Variants in CLVS1 observed in about 807,000 individuals in gnomAD.
CLVS1 encodes clavesin-1.
Under a neutral mutation model 33.1 loss-of-function variants are expected in CLVS1, and 10 were observed. The observed-to-expected ratio is 0.30, with a 90% CI of 0.19 to 0.51. CLVS1 has a LOEUF of 0.51. CLVS1 is among the 20% of genes least tolerant of loss of function. The pLI, the probability that CLVS1 is intolerant of heterozygous loss-of-function variation, is 0.97. For missense variants in CLVS1, 343 were observed against 433.4 expected, an observed-to-expected ratio of 0.79 and a Z score of 1.85; for synonymous variants, 163 against 166.1, an observed-to-expected ratio of 0.98 and a Z score of 0.14.
chr8:61,048,361 A>G, the CLVS1 span, among the ~76,000 whole-genome samples: 1 of 152,242 alleles, frequency 6.6e-6, no homozygotes, highest in African/African-American at 2.4e-5. Context: ...AAGCTCCTTA[A>G]GAATCATGAC....
At chr8:61,467,673 G>A (rs556052072) in intron 5 of CLVS1, among the ~76,000 whole-genome samples, 2 of 152,284 alleles carry the variant, frequency 1.3e-5, no homozygotes, top group South Asian at 4.1e-4. Flanking sequence ...GGTAGTTCCT[G>A]CCATGGCCAG....
At chr8:61,160,952 A>G (rs748020127) in intron 2 of CLVS1, among the ~76,000 whole-genome samples, 18 of 152,190 alleles carry the variant, frequency 1.2e-4, no homozygotes, top group Admixed American at 3.3e-4. Flanking sequence ...AATATCCAAG[A>G]TATATAAGTG....
intron 1 of CLVS1, chr8:61,291,865 A>G (rs997180741): frequency 1.3e-4 from 21 of 163,094 alleles, no homozygotes; most frequent in Non-Finnish European, 2.7e-4. Flanking sequence ...ACAGTGCATT[A>G]GGGCTGTCCA....
At chr8:61,287,865 T>G, upstream of CLVS1, 1 of 338,144 alleles carries the variant, frequency 3.0e-6, no homozygotes, top group Non-Finnish European at 5.8e-6. Context: ...TACAAATAAT[T>G]ATTGGTACGT....
intron 2 of CLVS1, among the ~76,000 whole-genome samples, chr8:61,189,420 G>GT (rs1191750681): frequency 2.0e-5 from 3 of 152,048 alleles, no homozygotes; most frequent in Non-Finnish European, 4.4e-5. Flanking sequence ...TGCAAAAACA[G>GT]GCCAAATTCT....
At chr8:61,201,493 A>G (rs1205626764) in intron 2 of CLVS1, among the ~76,000 whole-genome samples, 2 of 152,222 alleles carry the variant, frequency 1.3e-5, no homozygotes, top group Middle Eastern at 3.2e-3. Flanking sequence ...CTAAAGAGAA[A>G]GAAAATGATT....
At chr8:61,151,791 A>G (rs937330625) in intron 2 of CLVS1, among the ~76,000 whole-genome samples, 1 of 152,170 alleles carries the variant, frequency 6.6e-6, no homozygotes, top group African/African-American at 2.4e-5. Flanking sequence ...AGTAGTTTCT[A>G]ATTCATGTCT....
intron 2 of CLVS1, among the ~76,000 whole-genome samples, chr8:61,223,794 C>G (rs545575740): frequency 2.0e-5 from 3 of 152,252 alleles, no homozygotes; most frequent in Non-Finnish European, 2.9e-5. Flanking sequence ...TTTCCATTCT[C>G]TCCAACTCTT....
intron 1 of CLVS1, among the ~76,000 whole-genome samples, chr8:61,076,569 A>G (rs1804914794): frequency 6.6e-6 from 1 of 152,338 alleles, no homozygotes; most frequent in South Asian, 2.1e-4. Flanking sequence ...CTATTATGAT[A>G]TAATTGTCCT....
At chr8:61,098,897 T>G (rs576046721) in intron 1 of CLVS1, among the ~76,000 whole-genome samples, 1 of 151,676 alleles carries the variant, frequency 6.6e-6, no homozygotes, top group Admixed American at 6.6e-5. Flanking sequence ...AAAAAAAAGT[T>G]TTTTTATTGA....
At chr8:61,124,939 G>C (rs1805943352) in intron 1 of CLVS1, among the ~76,000 whole-genome samples, 1 of 152,176 alleles carries the variant, frequency 6.6e-6, no homozygotes, top group African/African-American at 2.4e-5. Flanking sequence ...GCACAGGTGA[G>C]AGAGGAGAGT....
chr8:61,257,181 C>T (rs896016954), intron 2 of CLVS1, among the ~76,000 whole-genome samples: 6 of 152,140 alleles, frequency 3.9e-5, no homozygotes, highest in African/African-American at 1.4e-4. Flanking sequence ...AATGCGTTAG[C>T]AGCATCACTT....
At chr8:61,105,337 G>T (rs1805515325) in intron 1 of CLVS1, among the ~76,000 whole-genome samples, 1 of 152,132 alleles carries the variant, frequency 6.6e-6, no homozygotes, top group African/African-American at 2.4e-5. Flanking sequence ...TTCACATAAA[G>T]CTTCTATTAT....
In CLVS1 at chr8:61,445,502, T is replaced by G. The variant is rs566597786; in HGVS notation, c.631-8639T>G. On this transcript the variant is annotated intron_variant, in intron 3 of 5. Transcript: ENST00000325897. ...TGTGATCTCTACATACCTGCTCCCC[T>G]TCACCTTCAGCCATGAGTGGAAGCT... Among the ~76,000 whole-genome samples, 4 of 152,268 alleles carry G rather than the reference T, an allele frequency of 2.6e-5. No individual in the cohort carries two copies. The South Asian group carries it at 8.3e-4, about 32-fold the overall frequency.
At chr8:61,048,860 C>T in the CLVS1 span, among the ~76,000 whole-genome samples, 22 of 152,128 alleles carry the variant, frequency 1.4e-4, no homozygotes, top group Non-Finnish European at 2.8e-4. Flanking sequence ...CTGTAAGGCA[C>T]TCCCTCCATC....
the CLVS1 span, among the ~76,000 whole-genome samples, chr8:60,990,570 GT>G: frequency 3.9e-5 from 6 of 152,248 alleles, no homozygotes; most frequent in South Asian, 1.2e-3. Flanking sequence ...GTCTACTCTG[GT>G]GAATGTTGGA....
At chr8:61,277,604 G>A (rs768700970) in intron 2 of CLVS1, among the ~76,000 whole-genome samples, 3 of 152,082 alleles carry the variant, frequency 2.0e-5, no homozygotes, top group Non-Finnish European at 4.4e-5. Context: ...TATATATATG[G>A]CCTCATTTGT....
intron 2 of CLVS1, among the ~76,000 whole-genome samples, chr8:61,331,442 C>A: frequency 6.6e-6 from 1 of 151,918 alleles, no homozygotes; most frequent in African/African-American, 2.4e-5. Flanking sequence ...GAAATTCCCT[C>A]CTCCATTTTC....
intron 2 of CLVS1, among the ~76,000 whole-genome samples, chr8:61,273,237 GGAATACCCTGCC>G (rs1464508483): frequency 1.3e-5 from 2 of 151,812 alleles, no homozygotes; most frequent in African/African-American, 4.8e-5. Context: ...CAGGTCTGTT[GGAATACCCTGCC>G]GTGTGAGGTG....
Sources: gnomAD v4.1 joint callset for allele counts (sites outside exome capture counted in the v4.1 genomes callset) on GRCh38, gnomAD v4.1.1 for gene constraint, MANE v1.5 for transcripts, NCBI Gene and HGNC (gene_info 2026-07-23, HGNC 2026-07-21) for gene names.